Variants in PPP1R9A observed in about 807,000 individuals in gnomAD.
The protein encoded by PPP1R9A is neurabin-1.
Under a neutral mutation model 141.9 loss-of-function variants are expected in PPP1R9A, and 59 were observed. The ratio of observed to expected loss-of-function variants is 0.42; its 90% CI spans 0.34 to 0.52. The LOEUF (loss-of-function observed/expected upper bound fraction) is 0.52, where lower values mean the gene tolerates loss of function less well. Ranked by LOEUF, PPP1R9A falls within the 20% of genes least tolerant of loss-of-function variation. The pLI is 0.10. For synonymous variants in PPP1R9A, 500 were observed against 569.7 expected, an observed-to-expected ratio of 0.88 and a Z score of 1.74; for missense variants, 1,444 against 1,611.9, an observed-to-expected ratio of 0.90 and a Z score of 1.78.
intron 8 of PPP1R9A, among the ~76,000 whole-genome samples, chr7:95,233,980 T>A (rs1024880214): frequency 1.3e-5 from 2 of 152,112 alleles, no homozygotes; most frequent in Non-Finnish European, 2.9e-5. Flanking sequence ...GAATCCAGCA[T>A]CCCTTTATGA....
At chr7:95,131,374 A>G (rs1017826962) in intron 4 of PPP1R9A, among the ~76,000 whole-genome samples, 24 of 152,188 alleles carry the variant, frequency 1.6e-4, no homozygotes, top group African/African-American at 5.1e-4. Context: ...AAGTCCAATA[A>G]ACCTTTTTCC....
At chr7:95,264,363 C>A (rs1272138470) in intron 12 of PPP1R9A, among the ~76,000 whole-genome samples, 2 of 152,176 alleles carry the variant, frequency 1.3e-5, no homozygotes. Context: ...TGTTATGCTG[C>A]TCCATTCCCC....
chr7:95,091,704 G>T (rs1431486667), intron 2 of PPP1R9A, among the ~76,000 whole-genome samples: 1 of 151,824 alleles, frequency 6.6e-6, no homozygotes, highest in Non-Finnish European at 1.5e-5. Context: ...TTAGTTACTA[G>T]TAAGTTTGAA....
chr7:95,226,281 C>T (rs878910619), intron 8 of PPP1R9A, among the ~76,000 whole-genome samples, 165 bp downstream of exon 8: 6 of 152,110 alleles, frequency 3.9e-5, no homozygotes, highest in Admixed American at 2.6e-4. Flanking sequence ...AAGTAGATCT[C>T]GTTCCACGGT....
intron 4 of PPP1R9A, among the ~76,000 whole-genome samples, chr7:95,130,405 T>A (rs920796697): frequency 6.6e-6 from 1 of 152,150 alleles, no homozygotes; most frequent in Non-Finnish European, 1.5e-5. Context: ...AGAGGACGTA[T>A]GGAAATGCCC....
At chr7:95,271,228 T>C (rs972597278) in intron 14 of PPP1R9A, among the ~76,000 whole-genome samples, 4 of 152,146 alleles carry the variant, frequency 2.6e-5, no homozygotes, top group Non-Finnish European at 5.9e-5. Context: ...GTTAAACATC[T>C]TAGATAACTT....
At chr7:94,942,051 A>T (rs1795387764) in intron 2 of PPP1R9A, among the ~76,000 whole-genome samples, 2 of 152,092 alleles carry the variant, frequency 1.3e-5, no homozygotes, top group South Asian at 4.1e-4. Context: ...TATAGTGCTG[A>T]CTCAGAATTT....
chr7:95,055,787 C>G (rs1388724637), intron 2 of PPP1R9A, among the ~76,000 whole-genome samples: 1 of 152,072 alleles, frequency 6.6e-6, no homozygotes, highest in Non-Finnish European at 1.5e-5. Flanking sequence ...CTCTAGGAAG[C>G]GTTTCCTGAC....
At chr7:95,055,019 A>G (rs1811326569) in intron 2 of PPP1R9A, among the ~76,000 whole-genome samples, 1 of 152,194 alleles carries the variant, frequency 6.6e-6, no homozygotes, top group Non-Finnish European at 1.5e-5. Context: ...ATTTTAGGAA[A>G]AAGAACCTTG....
chr7:95,147,291 CTGTT>C (rs1156613485), intron 4 of PPP1R9A, among the ~76,000 whole-genome samples: 2 of 152,122 alleles, frequency 1.3e-5, no homozygotes, highest in African/African-American at 4.8e-5. Flanking sequence ...ATTTGGCTCT[CTGTT>C]TGTCTATTAT....
intron 2 of PPP1R9A, among the ~76,000 whole-genome samples, chr7:95,076,294 T>G (rs868153238): frequency 6.6e-5 from 10 of 152,196 alleles, no homozygotes; most frequent in African/African-American, 2.2e-4. Context: ...TATTTTGCAA[T>G]GGCCTACTCT....
intron 2 of PPP1R9A, among the ~76,000 whole-genome samples, chr7:94,979,347 A>G (rs1459596794): frequency 1.3e-5 from 2 of 152,242 alleles, no homozygotes; most frequent in Admixed American, 6.5e-5. Context: ...TCCATTAGTG[A>G]GTCTTTATAG....
chr7:95,221,468 A>G (rs1304567826), intron 7 of PPP1R9A, among the ~76,000 whole-genome samples: 2 of 152,060 alleles, frequency 1.3e-5, no homozygotes, highest in East Asian at 1.9e-4. Context: ...ACTGATATCT[A>G]TAGCTCTCAT....
intron 12 of PPP1R9A, among the ~76,000 whole-genome samples, chr7:95,261,539 T>C (rs531427862): frequency 6.6e-6 from 1 of 152,264 alleles, no homozygotes; most frequent in African/African-American, 2.4e-5. Flanking sequence ...TTTTTGAACA[T>C]TGAAAAGGTC....
intron 5 of PPP1R9A, chr7:95,175,049 G>A (rs1832699438): frequency 6.6e-6 from 1 of 152,164 alleles, no homozygotes; most frequent in African/African-American, 2.4e-5. Flanking sequence ...ATACAAGAGA[G>A]TGCCCAAGAT....
chr7:94,933,752 C>T (rs1416655478), intron 2 of PPP1R9A, among the ~76,000 whole-genome samples: 1 of 152,136 alleles, frequency 6.6e-6, no homozygotes, highest in Non-Finnish European at 1.5e-5. Flanking sequence ...AACCCAGGCA[C>T]CAAGAACTTA....
intron 2 of PPP1R9A, among the ~76,000 whole-genome samples, chr7:95,056,141 C>G (rs560620422): frequency 6.6e-6 from 1 of 151,956 alleles, no homozygotes; most frequent in East Asian, 1.9e-4. Flanking sequence ...AAATGGCATG[C>G]ATATTTTACA....
intron 4 of PPP1R9A, among the ~76,000 whole-genome samples, chr7:95,142,376 T>C (rs972793780): frequency 5.9e-5 from 9 of 151,328 alleles, no homozygotes; most frequent in African/African-American, 1.9e-4. Context: ...ATTCATCTAG[T>C]TTTTTTTGTC....
At chr7:95,031,879 G>T (rs1346939355) in intron 2 of PPP1R9A, among the ~76,000 whole-genome samples, 1 of 151,912 alleles carries the variant, frequency 6.6e-6, no homozygotes. Context: ...ATTTCAACTA[G>T]ACTGGTCCAA....
Sources: allele counts gnomAD v4.1 joint callset (sites outside exome capture counted in the v4.1 genomes callset), GRCh38; gene constraint gnomAD v4.1.1; transcripts MANE v1.5; gene names NCBI Gene and HGNC (gene_info 2026-07-23, HGNC 2026-07-21).